TRPS1: variants seen among roughly 807,000 people sequenced by gnomAD.
The protein encoded by TRPS1 is zinc finger transcription factor Trps1.
Under a neutral mutation model 101.2 loss-of-function variants are expected in TRPS1, and 6 were observed. The observed-to-expected ratio is 0.06, with a 90% CI of 0.03 to 0.12. The LOEUF (loss-of-function observed/expected upper bound fraction) is 0.12. TRPS1 is among the 10% of genes least tolerant of loss of function. The probability of loss-of-function intolerance (pLI) is 1.00; values close to 1 mark genes in which losing one functional copy is unlikely to be tolerated. For synonymous variants in TRPS1, 578 were observed against 589.8 expected, an observed-to-expected ratio of 0.98 and a Z score of 0.29; for missense variants, 1,363 against 1,567.0, an observed-to-expected ratio of 0.87 and a Z score of 2.20.
At position 115,409,979 on chromosome 8, in the gene TRPS1, C is replaced by A. The variant is rs1812751926; in HGVS notation, c.*4044G>T. 6.7e-6 allele frequency: 1 copy of A among 150,342 alleles called. No individual in the cohort carries two copies. 9.3% of individuals were successfully genotyped at this position (150,342 alleles called of 1,614,324 possible). On this transcript the variant is annotated 3_prime_UTR_variant, in exon 7 of 7. Coordinates refer to ENST00000395715, the MANE Select transcript of TRPS1 (RefSeq NM_014112.5). ...ACAGTAGCTAAAGTTGACCTCCTCT[C>A]AACTTAAGGCAAAAGGCTGGCATAC...
intron 5 of TRPS1, among the ~76,000 whole-genome samples, chr8:115,473,148 A>T (rs537492762): frequency 6.6e-6 from 1 of 152,230 alleles, no homozygotes; most frequent in Non-Finnish European, 1.5e-5. Flanking sequence ...GTCCATTCTC[A>T]TATTGTTATA....
chr8:115,642,244 G>A (rs79375188), intron 1 of TRPS1, among the ~76,000 whole-genome samples: 136,260 of 145,666 alleles, frequency 0.94, 63,629 homozygotes, highest in East Asian at 1. Context: ...AAAGAAACCT[G>A]TGTGTATATA....
intron 5 of TRPS1, among the ~76,000 whole-genome samples, chr8:115,433,834 G>C (rs1288286205): frequency 6.6e-6 from 1 of 152,094 alleles, no homozygotes; most frequent in Non-Finnish European, 1.5e-5. Flanking sequence ...CTTTTTACAA[G>C]AGGTGGAGGC....
At chr8:115,555,564 G>C (rs2130352821) in intron 5 of TRPS1, among the ~76,000 whole-genome samples, 1 of 151,766 alleles carries the variant, frequency 6.6e-6, no homozygotes, top group Non-Finnish European at 1.5e-5. Context: ...AAGACTATGT[G>C]AAGCAGAGGG....
At chr8:115,458,818 T>G (rs1171821340) in intron 5 of TRPS1, among the ~76,000 whole-genome samples, 2 of 152,194 alleles carry the variant, frequency 1.3e-5, no homozygotes, top group Non-Finnish European at 2.9e-5. Flanking sequence ...GTCTTTCTGC[T>G]TCAATAGGAA....
intron 5 of TRPS1, among the ~76,000 whole-genome samples, chr8:115,516,319 T>C (rs1368061208): frequency 6.6e-6 from 1 of 151,502 alleles, no homozygotes; most frequent in Non-Finnish European, 1.5e-5. Context: ...TTCATACTCG[T>C]CTCTACATTT....
intron 5 of TRPS1, among the ~76,000 whole-genome samples, chr8:115,478,082 T>C (rs568934854): frequency 2.6e-5 from 4 of 152,312 alleles, no homozygotes; most frequent in South Asian, 2.1e-4. Context: ...GTGGTCCTGA[T>C]AGATTTCTGG....
At chr8:115,668,138 T>A in intron 1 of TRPS1, 1 of 589,736 alleles carries the variant, frequency 1.7e-6, no homozygotes, top group South Asian at 2.0e-5. Flanking sequence ...TTGACCCTGC[T>A]GACTCCAGGG....
intron 4 of TRPS1, among the ~76,000 whole-genome samples, chr8:115,597,861 A>G (rs902022180): frequency 6.6e-6 from 1 of 152,168 alleles, no homozygotes; most frequent in Non-Finnish European, 1.5e-5. Context: ...ATTAATAAAG[A>G]TACCTCAATT....
chr8:115,571,735 C>T (rs886091059), intron 5 of TRPS1, among the ~76,000 whole-genome samples: 1 of 151,818 alleles, frequency 6.6e-6, no homozygotes, highest in East Asian at 1.9e-4. Flanking sequence ...AAATGATTAG[C>T]GAATAAATCA....
At chr8:115,643,888 ATGT>A (rs1466830583) in intron 1 of TRPS1, among the ~76,000 whole-genome samples, 7 of 152,304 alleles carry the variant, frequency 4.6e-5, no homozygotes, top group East Asian at 1.9e-4. Context: ...TGCTGAAAGG[ATGT>A]TGTGTTAGCA....
chr8:115,491,389 A>C (rs116625100), intron 5 of TRPS1, among the ~76,000 whole-genome samples: 1 of 152,168 alleles, frequency 6.6e-6, no homozygotes, highest in Non-Finnish European at 1.5e-5. Context: ...ATCATTACCC[A>C]TTCCATCCTG....
chr8:115,571,881 A>T (rs1817211073), intron 5 of TRPS1, among the ~76,000 whole-genome samples: 1 of 152,030 alleles, frequency 6.6e-6, no homozygotes, highest in Non-Finnish European at 1.5e-5. Context: ...CTTTGATAAT[A>T]TGTATATACG....
chr8:115,512,975 C>A (rs1815621830), intron 5 of TRPS1, among the ~76,000 whole-genome samples: 1 of 151,618 alleles, frequency 6.6e-6, no homozygotes. Flanking sequence ...TTAAGATACT[C>A]ATAATCTTGT....
At chr8:115,422,726 T>G (rs1229676253) in intron 5 of TRPS1, among the ~76,000 whole-genome samples, 4 of 152,226 alleles carry the variant, frequency 2.6e-5, no homozygotes, top group Non-Finnish European at 5.9e-5. Flanking sequence ...GGGGCAGCTC[T>G]CTTTTATCTT....
chr8:115,630,586 G>T (rs1432986800), intron 1 of TRPS1, among the ~76,000 whole-genome samples: 1 of 151,914 alleles, frequency 6.6e-6, no homozygotes, highest in East Asian at 1.9e-4. Flanking sequence ...TAAGGCCTAT[G>T]ATCTTCAGTG....
intron 5 of TRPS1, among the ~76,000 whole-genome samples, chr8:115,577,678 A>G (rs770826071): frequency 6.6e-6 from 1 of 152,160 alleles, no homozygotes; most frequent in Non-Finnish European, 1.5e-5. Flanking sequence ...CAATAACAGA[A>G]AAAAAGCATA....
intron 1 of TRPS1, among the ~76,000 whole-genome samples, chr8:115,646,612 A>C (rs1405220325): frequency 6.6e-6 from 1 of 152,200 alleles, no homozygotes; most frequent in Non-Finnish European, 1.5e-5. Flanking sequence ...TCCTCCAGCC[A>C]TGAGAAAAAT....
chr8:115,537,713 C>T (rs747571472), intron 5 of TRPS1, among the ~76,000 whole-genome samples: 3 of 152,106 alleles, frequency 2.0e-5, no homozygotes, highest in Non-Finnish European at 2.9e-5. Flanking sequence ...GGAAATTCAA[C>T]GGTTTAAAAA....
Sources: allele counts gnomAD v4.1 joint callset (sites outside exome capture counted in the v4.1 genomes callset), GRCh38; gene constraint gnomAD v4.1.1; transcripts MANE v1.5; gene names NCBI Gene and HGNC (gene_info 2026-07-23, HGNC 2026-07-21).